ITSN1: variants seen among roughly 807,000 people sequenced by gnomAD.
The protein encoded by ITSN1 is intersectin-1.
Under a neutral mutation model 239.8 loss-of-function variants are expected in ITSN1, and 58 were observed. The ratio of observed to expected loss-of-function variants is 0.24; its 90% CI spans 0.20 to 0.30. ITSN1 has a LOEUF of 0.30. ITSN1 is among the 10% of genes least tolerant of loss of function. ITSN1 has a pLI of 1.00. For missense variants in ITSN1, 1,558 were observed against 2,103.3 expected (o/e 0.74, Z 5.07); for synonymous variants, 780 against 770.8 (o/e 1.01, Z -0.20).
At chr21:33,879,803 C>T (rs1419420424) in intron 34 of ITSN1, among the ~76,000 whole-genome samples, 20 of 152,184 alleles carry the variant, frequency 1.3e-4, no homozygotes, top group Admixed American at 1.3e-3. Flanking sequence ...CCTCAGCTTC[C>T]CGAGTAGCTG....
Position 33,898,657 on chromosome 21 carries a change from C to T in ITSN1, c.*10357C>T, listed in dbSNP as rs1343692209. ...ACAAAAAGAGCTGGTTTCTGGTGAT[C>T]TGAATGCATTGTGTTTGGGGGTGAC... On this transcript the variant is annotated 3_prime_UTR_variant, in exon 40 of 40. Transcript: ENST00000381318. 3.3e-5 allele frequency: 5 copies of T among 152,238 alleles called. No individual in the cohort carries two copies. The highest frequency in any genetic ancestry group is 5.9e-5 in the Non-Finnish European group (4 of 68,056). The allele number at this position is 152,238 out of a possible 1,614,324, so 9.4% of individuals were successfully genotyped here.
chr21:33,829,390 G>A (rs1426197849), intron 26 of ITSN1: 7 of 524,776 alleles, frequency 1.3e-5, no homozygotes, highest in Non-Finnish European at 2.1e-5. Context: ...GGGATGACAA[G>A]GGAGTCTGCA....
intron 22 of ITSN1, 81 bp downstream of exon 22, chr21:33,814,153 C>CTTGTT: frequency 1.4e-6 from 2 of 1,414,908 alleles, no homozygotes; most frequent in Non-Finnish European, 1.9e-6. Context: ...TTGGCAATGT[C>CTTGTT]ATTTTGAAGC....
chr21:33,768,243 C>G (rs1033661445), intron 11 of ITSN1, among the ~76,000 whole-genome samples: 1 of 152,086 alleles, frequency 6.6e-6, no homozygotes, highest in African/African-American at 2.4e-5. Context: ...TCCTTAATTG[C>G]AGGAACCTAT....
chr21:33,685,882 T>C (rs975085288), intron 1 of ITSN1, among the ~76,000 whole-genome samples: 1 of 152,234 alleles, frequency 6.6e-6, no homozygotes, highest in African/African-American at 2.4e-5. Flanking sequence ...TAATCATAAC[T>C]ATTTCTCAAT....
At chr21:33,877,988 CTT>C (rs1319811774) in intron 34 of ITSN1, among the ~76,000 whole-genome samples, 1 of 144,414 alleles carries the variant, frequency 6.9e-6, no homozygotes, top group Non-Finnish European at 1.5e-5. Context: ...CTCTGTCTCT[CTT>C]TCTCTTTCTC....
At chr21:33,830,732 A>G (rs1315709268) in intron 27 of ITSN1, among the ~76,000 whole-genome samples, 1 of 152,228 alleles carries the variant, frequency 6.6e-6, no homozygotes, top group Non-Finnish European at 1.5e-5. Context: ...CATTAGACAA[A>G]ATTACTGTAC....
At chr21:33,657,028 A>AT (rs1055251628) in intron 1 of ITSN1, among the ~76,000 whole-genome samples, 1 of 151,924 alleles carries the variant, frequency 6.6e-6, no homozygotes. Flanking sequence ...GCCTTTTTTA[A>AT]TTTTTTTATT....
Position 33,817,679 on chromosome 21 carries a change from A to G in ITSN1, c.2728-588A>G, listed in dbSNP as rs541345442. 320 of 1,156,568 alleles carry G rather than the reference A, an allele frequency of 2.8e-4. No homozygotes were observed. The Middle Eastern group carries it at 4.3e-3, about 15-fold the overall frequency. The allele number at this position is 1,156,568 out of a possible 1,614,324, so 71.6% of individuals were successfully genotyped here. The stretch of plus-strand genomic sequence containing the variant: ...GGGGGAGGCAGAGACTGTTTTTTTC[A>G]TCTGTAATCTCATGGGGCAGTGCAT... On this transcript the variant is annotated intron_variant, in intron 22 of 39. Transcript: ENST00000381318.
chr21:33,888,590 G>T lies in ITSN1; in HGVS notation c.*290G>T. On this transcript the variant is annotated 3_prime_UTR_variant, in exon 40 of 40. Coordinates refer to ENST00000381318, the MANE Select transcript of ITSN1 (RefSeq NM_003024.3). ...CCATAGCCCTCAACAGGGTGCAGCT[G>T]GGAGTCTAGCCCCTTCCCGGGCTTG... The T allele has an allele frequency of 3.6e-6, 1 of 280,844 alleles. No individual in the cohort carries two copies. Among genetic ancestry groups the T allele is most frequent in the Non-Finnish European group, 6.7e-6 (1 of 150,288 alleles). 17.4% of individuals were successfully genotyped at this position (280,844 alleles called of 1,614,324 possible).
intron 1 of ITSN1, among the ~76,000 whole-genome samples, chr21:33,711,314 A>G (rs1463937078): frequency 6.8e-6 from 1 of 146,216 alleles, no homozygotes; most frequent in South Asian, 2.2e-4. Flanking sequence ...AGGTTTGTAA[A>G]TTTTTTTTTT....
At chr21:33,696,283 A>G (rs1476149223) in intron 1 of ITSN1, among the ~76,000 whole-genome samples, 2 of 152,110 alleles carry the variant, frequency 1.3e-5, no homozygotes, top group Non-Finnish European at 2.9e-5. Context: ...AGATTTATCA[A>G]TATGTACCTG....
At chr21:33,736,724 G>T (rs186078030) in intron 5 of ITSN1, among the ~76,000 whole-genome samples, 29 of 152,364 alleles carry the variant, frequency 1.9e-4, no homozygotes, top group Admixed American at 1.4e-3. Flanking sequence ...AGTGGCTCAT[G>T]CCTGTAATCC....
chr21:33,657,179 C>G (rs116235439), intron 1 of ITSN1, among the ~76,000 whole-genome samples: 2 of 152,174 alleles, frequency 1.3e-5, no homozygotes, highest in African/African-American at 4.8e-5. Context: ...CCCCTGCCCC[C>G]GTTTTGGAAT....
intron 14 of ITSN1, among the ~76,000 whole-genome samples, chr21:33,778,991 T>C (rs569287684): frequency 6.6e-6 from 1 of 152,158 alleles, no homozygotes; most frequent in Admixed American, 6.5e-5. Context: ...TTCCTTCTCC[T>C]TTTCCTTCCT....
chr21:33,747,569 TA>T (rs960405049), intron 5 of ITSN1, among the ~76,000 whole-genome samples: 13 of 152,044 alleles, frequency 8.6e-5, no homozygotes, highest in African/African-American at 3.1e-4. Context: ...AACACAGAGA[TA>T]AAACCTTGAA....
chr21:33,653,394 A>G (rs1350705737), intron 1 of ITSN1, among the ~76,000 whole-genome samples: 2 of 152,180 alleles, frequency 1.3e-5, no homozygotes, highest in Non-Finnish European at 2.9e-5. Context: ...TTGAACCAAG[A>G]TAGAATCTCA....
chr21:33,850,348 G>C (rs1486206818), intron 29 of ITSN1, among the ~76,000 whole-genome samples: 2 of 152,246 alleles, frequency 1.3e-5, no homozygotes, highest in Admixed American at 6.5e-5. Context: ...CCTGAGCTCT[G>C]CTGGACCCAC....
intron 24 of ITSN1, among the ~76,000 whole-genome samples, chr21:33,822,899 G>A (rs1440826470): frequency 6.6e-6 from 1 of 152,120 alleles, no homozygotes; most frequent in African/African-American, 2.4e-5. Context: ...TGTTCTAACA[G>A]CTTCCTATCA....
Sources: gnomAD v4.1 joint callset for allele counts (sites outside exome capture counted in the v4.1 genomes callset) on GRCh38, gnomAD v4.1.1 for gene constraint, MANE v1.5 for transcripts, NCBI Gene and HGNC (gene_info 2026-07-23, HGNC 2026-07-21) for gene names.